FAM83E: variants seen among roughly 807,000 people sequenced by gnomAD.
FAM83E encodes the protein protein FAM83E.
FAM83E carries 29 observed loss-of-function variants against 34.3 expected under a neutral mutation model. That is an observed-to-expected ratio of 0.85 (90% CI 0.63 to 1.15). FAM83E has a LOEUF of 1.15. Ranked by LOEUF, FAM83E falls within the 50% of genes most tolerant of loss-of-function variation. The pLI, the probability that FAM83E is intolerant of heterozygous loss-of-function variation, is 0.00. For missense variants in FAM83E, 697 were observed against 685.0 expected, an observed-to-expected ratio of 1.02 and a Z score of -0.20; for synonymous variants, 312 against 311.6, an observed-to-expected ratio of 1.00 and a Z score of -0.01.
chr19:48,607,002 T>G (rs563485367), intron 5 of FAM83E: 1 of 1,608,976 alleles, frequency 6.2e-7, no homozygotes, highest in South Asian at 1.1e-5. Context: ...GGCTGCTGCT[T>G]CTGGTGATGG....
In FAM83E at chr19:48,614,243, A is replaced by T. The variant is rs1601135251; in HGVS notation, c.-871T>A. 2.0e-6 allele frequency: 2 copies of T among 985,376 alleles called. No homozygotes were observed. The highest frequency in any genetic ancestry group is 9.4e-5 in the South Asian group (2 of 21,294). The allele number at this position is 985,376 out of a possible 1,614,324, so 61.0% of individuals were successfully genotyped here. A position where few individuals can be genotyped will look rare whatever the true frequency, so the allele number is the denominator to read the frequency against. ...GAAATGCGCTACAGGGGTCTCCATT[A>T]CTATGGGACAGGTCTATGATCTTCA... On this transcript the variant is annotated 5_prime_UTR_variant, in exon 3 of 7. Coordinates refer to ENST00000263266, the MANE Select transcript of FAM83E (RefSeq NM_017708.4).
chr19:48,610,821 G>A lies in FAM83E; in HGVS notation c.492C>T (p.Phe164=), dbSNP rs1182579964. 6.3e-7 allele frequency: 1 copy of A among 1,595,332 alleles called. No individual in the cohort carries two copies. Among genetic ancestry groups the A allele is most frequent in the South Asian group, 1.1e-5 (1 of 87,814 alleles). ...HKLVAVVMDV[F]TDPDLLLDLV... ...AGTCCAAAAGCAGGTCTGGGTCAGT[G>A]AAGACGTCCATGACCACGGCCACCA... The change falls in exon 4 of 7, where the codon TTC becomes TTT. Residue 164 remains phenylalanine (F), a synonymous_variant. Coordinates refer to ENST00000263266, the MANE Select transcript of FAM83E (RefSeq NM_017708.4).
In FAM83E at chr19:48,601,243, G is replaced by A. The variant is rs1973807345; in HGVS notation, c.1303C>T (p.Pro435Ser). 1 of 1,603,630 alleles carries A rather than the reference G, an allele frequency of 6.2e-7. No homozygotes were observed. ...PPWGGALPLP[P>S]AHRLRYLSPA... ...GACAGATAGCGGAGGCGGTGGGCGG[G>A]GGGCAGGGGCAGGGCACCGCCCCAC... is the stretch of plus-strand genomic sequence containing the variant. The change falls in exon 7 of 7, where the codon CCC becomes TCC. Residue 435 changes from proline to serine, a missense_variant. Physicochemically the swap from Pro to Ser is moderately conservative, Grantham distance 74. Transcript: ENST00000263266.
At chr19:48,602,404 G>A (rs532749215) in intron 6 of FAM83E, among the ~76,000 whole-genome samples, 1 of 151,212 alleles carries the variant, frequency 6.6e-6, no homozygotes, top group Non-Finnish European at 1.5e-5. Context: ...GGGAAGGGGG[G>A]AAGTGAGAGG....
Position 48,613,247 on chromosome 19 carries a change from G to A in FAM83E, c.126C>T (p.Gly42=), listed in dbSNP as rs1439400087. Residue 42 remains glycine, a synonymous_variant, in exon 3 of 7, where the codon GGC becomes GGT. Coordinates refer to ENST00000263266, the MANE Select transcript of FAM83E (RefSeq NM_017708.4). The part of the protein sequence containing the change: ...RLALEALLSK[G]AEAFQTCVQR... ...GCACGCAGGTCTGGAACGCCTCCGCGCCCTTGCTCAACAGAGCCTCCAGTG... is the reference window on the plus strand; with the variant it reads ...GCACGCAGGTCTGGAACGCCTCCGCACCCTTGCTCAACAGAGCCTCCAGTG... 21 of 1,610,040 alleles carry A rather than the reference G, an allele frequency of 1.3e-5. No individual in the cohort carries two copies. Among genetic ancestry groups the A allele is most frequent in the South Asian group, 3.3e-5 (3 of 91,066 alleles).
chr19:48,610,855 T>C lies in FAM83E; in HGVS notation c.466-8A>G, dbSNP rs764058518. 2 of 1,587,890 alleles carry C rather than the reference T, an allele frequency of 1.3e-6. No individual in the cohort carries two copies. The highest frequency in any genetic ancestry group is 1.8e-5 in the Admixed American group (1 of 56,268). ...CATGACCACGGCCACCAGCTGGGCA[T>C]GGGGAGAGGGGCGGTGGGCTTGTGA... On this transcript the variant is annotated splice_polypyrimidine_tract_variant and splice_region_variant and intron_variant, in intron 3 of 6. Transcript: ENST00000263266.
chr19:48,613,040 G>A lies in FAM83E; in HGVS notation c.333C>T (p.Val111=), dbSNP rs1170328228. 1.9e-6 allele frequency: 3 copies of A among 1,602,718 alleles called. No individual in the cohort carries two copies. In the East Asian group the frequency reaches 6.8e-5, roughly 36 times the overall value. The change falls in exon 3 of 7, where the codon GTC becomes GTT. Residue 111 remains valine (V), a synonymous_variant. Transcript: ENST00000263266. ...AGTCCACTGGCCAGCCCAGCCGCAG[G>A]ACGGGCGCCGGCTGCTCCGACTGCC... ...WPGQSEQPAP[V]LRLGWPVDSA...
At chr19:48,606,877 C>G in intron 5 of FAM83E, 1 of 1,431,572 alleles carries the variant, frequency 7.0e-7, no homozygotes, top group Non-Finnish European at 9.3e-7. Context: ...GGCCAAAGTC[C>G]CGTGGGCAAG....
rs1228430467 is a variant in FAM83E, at chr19:48,614,754, C to T, written c.-1302G>A. ...TCAATGGCCTCCCTTCCAGTGCCTG[C>T]TTTTTCCGAGAACGTAGGCTGTGGC... On this transcript the variant is annotated 5_prime_UTR_variant, in exon 2 of 7. Transcript: ENST00000263266. The T allele has an allele frequency of 1.0e-6, 1 of 984,716 alleles. No homozygotes were observed. The highest frequency in any genetic ancestry group is 1.7e-5 in the African/African-American group (1 of 57,154). The allele number at this position is 984,716 out of a possible 1,614,324, so 61.0% of individuals were successfully genotyped here. A position where few individuals can be genotyped will look rare whatever the true frequency, so the allele number is the denominator to read the frequency against.
At chr19:48,608,050 G>A (rs1372596824) in intron 5 of FAM83E, among the ~76,000 whole-genome samples, 1 of 152,220 alleles carries the variant, frequency 6.6e-6, no homozygotes, top group Admixed American at 6.5e-5. Context: ...TGAAAATGCA[G>A]ATTCTCAGGT....
At position 48,614,446 on chromosome 19, in the gene FAM83E, G is replaced by A. The variant is rs1242844904; in HGVS notation, c.-1074C>T. 2 of 985,460 alleles carry A rather than the reference G, an allele frequency of 2.0e-6. No individual in the cohort carries two copies. Among genetic ancestry groups the A allele is most frequent in the Non-Finnish European group, 1.2e-6 (1 of 830,144 alleles). The allele number at this position is 985,460 out of a possible 1,614,324, so 61.0% of individuals were successfully genotyped here. A position where few individuals can be genotyped will look rare whatever the true frequency, so the allele number is the denominator to read the frequency against. On this transcript the variant is annotated 5_prime_UTR_variant, in exon 3 of 7. Coordinates refer to ENST00000263266, the MANE Select transcript of FAM83E (RefSeq NM_017708.4). ...GCTATCTCCTGCCAGCTACCCGGAC[G>A]CTTCTTCCCGGACAGGGGCCAGTCT...
rs1224262932 is a variant in FAM83E at position 48,601,195 on chromosome 19, C to A, written c.1351G>T (p.Gly451Trp). ...TCTTGAAGTTTGAATGTAGCATCCC[C>A]ACCGAACCGCCTTCGGGCTGGGGAC... Reference protein sequence around the residue: ...YLSPARRRFGGDATFKLQEPR... With the variant: ...YLSPARRRFGWDATFKLQEPR... The change falls in exon 7 of 7, where the codon GGG becomes TGG. Residue 451 changes from glycine to tryptophan, a missense_variant. Gly to Trp is a radical substitution (Grantham distance 184). Transcript: ENST00000263266. The A allele has an allele frequency of 3.1e-6, 5 of 1,612,486 alleles. No homozygotes were observed. The highest frequency in any genetic ancestry group is 4.2e-6 in the Non-Finnish European group (5 of 1,179,394).
At chr19:48,603,973 C>A in intron 5 of FAM83E, 62 bp from the exon 6 acceptor site, 1 of 1,538,930 alleles carries the variant, frequency 6.5e-7, no homozygotes, top group Non-Finnish European at 8.8e-7. Flanking sequence ...CGGCCCCCAT[C>A]CTCAGCCAGG....
chr19:48,605,514 G>A (rs1283170825), intron 5 of FAM83E, among the ~76,000 whole-genome samples: 1 of 152,110 alleles, frequency 6.6e-6, no homozygotes, highest in East Asian at 1.9e-4. Context: ...AGTTGAGGCT[G>A]CAGTGAGCCA....
chr19:48,603,759 C>T lies in FAM83E; in HGVS notation c.911G>A (p.Gly304Asp). The change falls in exon 6 of 7, where the codon GGC becomes GAC. Residue 304 changes from glycine (G) to aspartate (D), a missense_variant. By Grantham distance (94) the Gly-to-Asp change is moderately conservative. Transcript: ENST00000263266. ...APPQKPSVIG[G>D]LQRGRSPHRV... The stretch of plus-strand genomic sequence containing the variant: ...GTGCGGGCTGCGGCCCCGCTGCAGG[C>T]CACCTATGACCGAGGGTTTCTGGGG... The T allele has an allele frequency of 6.4e-7, 1 of 1,569,860 alleles. No individual in the cohort carries two copies. The highest frequency in any genetic ancestry group is 1.9e-5 in the Admixed American group (1 of 52,670).
At position 48,614,534 on chromosome 19, in the gene FAM83E, G is replaced by A. The variant is rs912237155; in HGVS notation, c.-1162C>T. ...CCCTTGAGGCTCCTGACCCAACCTC[G>A]GGGACCCTGGACCCTTGATCCCTGC... is the stretch of plus-strand genomic sequence containing the variant. On this transcript the variant is annotated 5_prime_UTR_variant, in exon 3 of 7. Transcript: ENST00000263266. 13 of 985,638 alleles carry A rather than the reference G, an allele frequency of 1.3e-5. No homozygotes were observed. The highest frequency in any genetic ancestry group is 2.3e-4 in the East Asian group (2 of 8,814). 61.1% of individuals were successfully genotyped at this position (985,638 alleles called of 1,614,324 possible).
At position 48,603,737 on chromosome 19, in the gene FAM83E, C is replaced by A. The variant is rs538355053; in HGVS notation, c.933G>T (p.Pro311=). 2.0e-6 allele frequency: 3 copies of A among 1,508,894 alleles called. No homozygotes were observed. Among genetic ancestry groups the A allele is most frequent in the Admixed American group, 2.5e-5 (1 of 39,854 alleles). 93.5% of individuals were successfully genotyped at this position (1,508,894 alleles called of 1,614,324 possible). Residue 311 remains proline (P), a synonymous_variant, in exon 6 of 7, where the codon CCG becomes CCT. Transcript: ENST00000263266. The part of the protein sequence containing the change: ...VIGGLQRGRS[P]HRVSRRRSVA... ...CGGAGCGGCGGCGGGACACGCGGTG[C>A]GGGCTGCGGCCCCGCTGCAGGCCAC...
At chr19:48,605,061 T>C (rs1973903436) in intron 5 of FAM83E, among the ~76,000 whole-genome samples, 2 of 149,044 alleles carry the variant, frequency 1.3e-5, no homozygotes, top group African/African-American at 5.0e-5. Flanking sequence ...GGAATCAGAC[T>C]GGAGTTTAAA....
rs1382362325 is a variant in FAM83E at position 48,606,978 on chromosome 19, C to T, written c.758+2898G>A. On this transcript the variant is annotated intron_variant, in intron 5 of 6. Coordinates refer to ENST00000263266, the MANE Select transcript of FAM83E (RefSeq NM_017708.4). ...GGCAGGGTCAACGCCGCCAGGCCGC[C>T]ATGGTCCTGTGCTGGCTGCTGCTTC... 5 of 1,604,540 alleles carry T rather than the reference C, an allele frequency of 3.1e-6. No homozygotes were observed. In the African/African-American group the frequency reaches 6.7e-5, roughly 21 times the overall value.
Sources: allele counts gnomAD v4.1 joint callset (sites outside exome capture counted in the v4.1 genomes callset), GRCh38; gene constraint gnomAD v4.1.1; transcripts MANE v1.5; gene names NCBI Gene and HGNC (gene_info 2026-07-23, HGNC 2026-07-21).